The following LGSN variants were observed in gnomAD, a reference collection of about 807,000 sequenced individuals.
LGSN encodes the protein lengsin, lens protein with glutamine synthetase domain.
LGSN carries 21 observed loss-of-function variants against 19.5 expected under a neutral mutation model. The ratio of observed to expected loss-of-function variants is 1.07; its 90% CI spans 0.76 to 1.55. LGSN has a LOEUF of 1.55. LGSN is among the 40% of genes most tolerant of loss of function. The pLI is 0.00. For synonymous variants in LGSN, 257 were observed against 215.6 expected (o/e 1.19, Z -1.68); for missense variants, 673 against 608.5 (o/e 1.11, Z -1.12).
At chr6:63,404,364 A>C in the LGSN span, among the ~76,000 whole-genome samples, 1 of 152,206 alleles carries the variant, frequency 6.6e-6, no homozygotes, top group Non-Finnish European at 1.5e-5. Context: ...TAATATTAAT[A>C]GATGGAATCT....
upstream of LGSN, among the ~76,000 whole-genome samples, chr6:63,321,561 G>A (rs1160126793): frequency 6.6e-6 from 1 of 151,870 alleles, no homozygotes; most frequent in Non-Finnish European, 1.5e-5. Context: ...GTGTATCCAT[G>A]ATTTTTTTAT....
the LGSN span, among the ~76,000 whole-genome samples, chr6:63,429,762 C>T: frequency 6.7e-6 from 1 of 149,702 alleles, no homozygotes; most frequent in Non-Finnish European, 1.5e-5. Context: ...AGTCTGAAGA[C>T]AGGGATTACA....
chr6:63,477,685 T>C, the LGSN span, among the ~76,000 whole-genome samples: 1 of 133,600 alleles, frequency 7.5e-6, no homozygotes, highest in Non-Finnish European at 1.6e-5. Context: ...TCTTCTTTTT[T>C]TCTTTTTTTT....
At chr6:63,332,968 G>A in the LGSN span, among the ~76,000 whole-genome samples, 3 of 152,004 alleles carry the variant, frequency 2.0e-5, no homozygotes, top group Admixed American at 1.3e-4. Flanking sequence ...CATTCCTCCC[G>A]GTGGGCTCGT....
At chr6:63,508,228 GA>G in the LGSN span, among the ~76,000 whole-genome samples, 2 of 152,088 alleles carry the variant, frequency 1.3e-5, no homozygotes, top group Non-Finnish European at 2.9e-5. Context: ...CATTAAAGCT[GA>G]AAAAATATCA....
At chr6:63,308,041 T>G (rs1371029986) in intron 1 of LGSN, among the ~76,000 whole-genome samples, 2 of 152,164 alleles carry the variant, frequency 1.3e-5, no homozygotes, top group East Asian at 3.9e-4. Context: ...GCATTTCAGC[T>G]GAAGATAGGG....
the LGSN span, among the ~76,000 whole-genome samples, chr6:63,488,709 T>A: frequency 6.6e-6 from 1 of 152,064 alleles, no homozygotes; most frequent in Non-Finnish European, 1.5e-5. Flanking sequence ...TCCCAGCTAC[T>A]TGGGAGGCTG....
At chr6:63,469,099 T>C in the LGSN span, among the ~76,000 whole-genome samples, 7 of 152,290 alleles carry the variant, frequency 4.6e-5, no homozygotes, top group South Asian at 2.1e-4. Flanking sequence ...ATTTTATACA[T>C]GTTATATTTA....
chr6:63,530,472 C>A, the LGSN span, among the ~76,000 whole-genome samples: 2 of 152,022 alleles, frequency 1.3e-5, no homozygotes, highest in Non-Finnish European at 2.9e-5. Flanking sequence ...GCTTAGACGC[C>A]CAGATGTAAA....
chr6:63,390,544 A>G, the LGSN span, among the ~76,000 whole-genome samples: 87 of 151,832 alleles, frequency 5.7e-4, no homozygotes, highest in African/African-American at 2.1e-3. Context: ...GTTACACAGG[A>G]ATTGAATTTG....
At chr6:63,363,022 T>C in the LGSN span, among the ~76,000 whole-genome samples, 5 of 152,280 alleles carry the variant, frequency 3.3e-5, no homozygotes, top group Admixed American at 2.6e-4. Context: ...CAGGCAGCAA[T>C]ATTTGCCGTT....
At chr6:63,510,187 T>C in the LGSN span, among the ~76,000 whole-genome samples, 1 of 152,224 alleles carries the variant, frequency 6.6e-6, no homozygotes. Flanking sequence ...CCATAAAGTA[T>C]GTCATTGCCG....
the LGSN span, among the ~76,000 whole-genome samples, chr6:63,451,220 A>G: frequency 5.3e-5 from 8 of 152,336 alleles, no homozygotes; most frequent in African/African-American, 1.9e-4. Flanking sequence ...CATTGGACCC[A>G]GCAATTCCAT....
chr6:63,550,766 AG>A, the LGSN span, among the ~76,000 whole-genome samples: 2 of 151,934 alleles, frequency 1.3e-5, no homozygotes, highest in Non-Finnish European at 2.9e-5. Flanking sequence ...CTGGGATTAT[AG>A]GCACCCACCA....
At chr6:63,442,765 A>G in the LGSN span, among the ~76,000 whole-genome samples, 57 of 152,204 alleles carry the variant, frequency 3.7e-4, no homozygotes, top group African/African-American at 1.3e-3. Context: ...GATTAGCTAG[A>G]TACAGAGTGC....
At chr6:63,364,641 C>A in the LGSN span, among the ~76,000 whole-genome samples, 19,774 of 152,110 alleles carry the variant, frequency 0.13, 2,829 homozygotes, top group African/African-American at 0.36. Flanking sequence ...ACATTCTTCT[C>A]AGAACCAGCT....
At chr6:63,326,975 C>T in the LGSN span, among the ~76,000 whole-genome samples, 4 of 152,332 alleles carry the variant, frequency 2.6e-5, no homozygotes, top group South Asian at 2.1e-4. Context: ...GCGCCGAGAG[C>T]GAGCGAGGGC....
chr6:63,421,687 C>T, the LGSN span, among the ~76,000 whole-genome samples: 1 of 151,772 alleles, frequency 6.6e-6, no homozygotes, highest in Non-Finnish European at 1.5e-5. Flanking sequence ...AAGATTGAGC[C>T]ACTGCACCCC....
the LGSN span, among the ~76,000 whole-genome samples, chr6:63,460,611 T>A: frequency 2.0e-5 from 3 of 152,172 alleles, no homozygotes; most frequent in African/African-American, 7.2e-5. Flanking sequence ...ATTTCTATTA[T>A]TAGGAGGAAT....
Sources: gnomAD v4.1 joint callset for allele counts (sites outside exome capture counted in the v4.1 genomes callset) on GRCh38, gnomAD v4.1.1 for gene constraint, MANE v1.5 for transcripts, NCBI Gene and HGNC (gene_info 2026-07-23, HGNC 2026-07-21) for gene names.